HS3ST5: variants seen among roughly 807,000 people sequenced by gnomAD.
HS3ST5 encodes the protein heparan sulfate-glucosamine 3-sulfotransferase 5, also known as heparan sulfate glucosamine 3-O-sulfotransferase 5.
A neutral mutation model predicts 25.4 loss-of-function variants in HS3ST5; 10 were observed. That is an observed-to-expected ratio of 0.39 (90% CI 0.24 to 0.67). The LOEUF (loss-of-function observed/expected upper bound fraction) is 0.67, where lower values mean the gene tolerates loss of function less well. Ranked by LOEUF, HS3ST5 falls within the 30% of genes least tolerant of loss-of-function variation. The probability of loss-of-function intolerance (pLI) is 0.44; values close to 1 mark genes in which losing one functional copy is unlikely to be tolerated. For synonymous variants in HS3ST5, 170 were observed against 162.4 expected (o/e 1.05, Z -0.36); for missense variants, 324 against 420.7 (o/e 0.77, Z 2.01).
chr6:114,095,638 G>A (rs1266960050), intron 3 of HS3ST5, among the ~76,000 whole-genome samples: 1 of 152,102 alleles, frequency 6.6e-6, no homozygotes, highest in African/African-American at 2.4e-5. Flanking sequence ...TACTGTAGAG[G>A]CACTTTTGAC....
chr6:114,266,264 G>A (rs746951920), intron 1 of HS3ST5, among the ~76,000 whole-genome samples: 35 of 152,118 alleles, frequency 2.3e-4, no homozygotes, highest in Non-Finnish European at 3.4e-4. Context: ...TATATATCAC[G>A]TATTTGTATC....
At chr6:114,084,085 CT>C (rs367546368) in intron 3 of HS3ST5, 73,742 of 449,578 alleles carry the variant, frequency 0.16, 144 homozygotes, top group East Asian at 0.18. Flanking sequence ...ATTTTCTTTT[CT>C]TTTTTTTTTT....
At chr6:114,159,320 C>T (rs1322812757) in intron 3 of HS3ST5, among the ~76,000 whole-genome samples, 2 of 152,050 alleles carry the variant, frequency 1.3e-5, no homozygotes, top group Non-Finnish European at 2.9e-5. Flanking sequence ...TTTTCAATAA[C>T]CCCAAACTAG....
intron 1 of HS3ST5, among the ~76,000 whole-genome samples, chr6:114,251,293 G>A (rs575191813): frequency 1.3e-5 from 2 of 152,070 alleles, no homozygotes; most frequent in Admixed American, 6.6e-5. Context: ...GATGAAAGAG[G>A]GCTAGCTCTG....
intron 1 of HS3ST5, among the ~76,000 whole-genome samples, chr6:114,245,822 A>C (rs1334503306): frequency 6.6e-6 from 1 of 152,254 alleles, no homozygotes; most frequent in Non-Finnish European, 1.5e-5. Context: ...GGCGTTATGC[A>C]TACAGGTGGG....
intron 3 of HS3ST5, among the ~76,000 whole-genome samples, chr6:114,120,217 C>T (rs955454143): frequency 1.3e-5 from 2 of 152,044 alleles, no homozygotes; most frequent in South Asian, 4.1e-4. Context: ...GACAAGCCCC[C>T]AGTAGCATTT....
At chr6:114,234,804 T>C (rs1352911000) in intron 1 of HS3ST5, among the ~76,000 whole-genome samples, 1 of 152,158 alleles carries the variant, frequency 6.6e-6, no homozygotes, top group Non-Finnish European at 1.5e-5. Context: ...TGCATGAAAA[T>C]TGATATATGT....
intron 2 of HS3ST5, among the ~76,000 whole-genome samples, chr6:114,202,830 T>C (rs1197328319): frequency 6.6e-6 from 1 of 152,208 alleles, no homozygotes; most frequent in Non-Finnish European, 1.5e-5. Flanking sequence ...GAGAGTAATA[T>C]ACTCACTAAA....
intron 1 of HS3ST5, among the ~76,000 whole-genome samples, chr6:114,246,707 T>C (rs1772396123): frequency 6.6e-6 from 1 of 152,242 alleles, no homozygotes; most frequent in Non-Finnish European, 1.5e-5. Flanking sequence ...AAGTTTTATA[T>C]TGGCGCGTTT....
rs149207864 is a variant in HS3ST5 at position 114,188,085 on chromosome 6, A to T, written c.-144-19623T>A. ...CAAAAAAATTCATGTGACTCACTTTATCATGGTGGTCTGCAACAGAACCTG... is the reference window on the plus strand; with the variant it reads ...CAAAAAAATTCATGTGACTCACTTTTTCATGGTGGTCTGCAACAGAACCTG... On this transcript the variant is annotated intron_variant, in intron 2 of 4. Coordinates refer to ENST00000312719, the MANE Select transcript of HS3ST5 (RefSeq NM_153612.4). Among the ~76,000 whole-genome samples, 234 of 152,344 alleles carry T rather than the reference A, an allele frequency of 1.5e-3. 1 individual carries two copies. Among genetic ancestry groups the T allele is most frequent in the East Asian group, 0.014 (74 of 5,186 alleles).
intron 1 of HS3ST5, among the ~76,000 whole-genome samples, chr6:114,271,738 A>C (rs958330147): frequency 6.6e-6 from 1 of 152,088 alleles, no homozygotes; most frequent in Non-Finnish European, 1.5e-5. Context: ...CTTAAGCTAT[A>C]TATTTAAGAT....
At chr6:114,221,795 T>C (rs1002721265) in intron 2 of HS3ST5, among the ~76,000 whole-genome samples, 5 of 151,898 alleles carry the variant, frequency 3.3e-5, no homozygotes, top group African/African-American at 9.7e-5. Flanking sequence ...CTTTTTAAAC[T>C]AATTAGGCTT....
chr6:114,249,276 A>G (rs751338472), intron 1 of HS3ST5, among the ~76,000 whole-genome samples: 11 of 152,190 alleles, frequency 7.2e-5, no homozygotes, highest in Non-Finnish European at 1.6e-4. Context: ...AGGCCCTTAC[A>G]TGTTTTTCTT....
chr6:114,259,002 A>C lies in HS3ST5; in HGVS notation c.-338-30224T>G, dbSNP rs929083598. 6.6e-4 allele frequency among the ~76,000 whole-genome samples: 101 copies of C among 152,176 alleles called. 1 individual carries two copies. The highest frequency in any genetic ancestry group is 9.2e-4 in the Admixed American group (14 of 15,280). On this transcript the variant is annotated intron_variant, in intron 1 of 4. Coordinates refer to ENST00000312719, the MANE Select transcript of HS3ST5 (RefSeq NM_153612.4). ...TCAGATTCTCATTTTGAGACACTAAAAAGTTTTTTCTCCTTGTATAAGACA... is the reference window on the plus strand; with the variant it reads ...TCAGATTCTCATTTTGAGACACTAACAAGTTTTTTCTCCTTGTATAAGACA...
intron 3 of HS3ST5, among the ~76,000 whole-genome samples, chr6:114,143,209 A>G (rs1777993754): frequency 6.6e-6 from 1 of 152,224 alleles, no homozygotes; most frequent in African/African-American, 2.4e-5. Flanking sequence ...TGGAAGATGT[A>G]ATATTGGAAG....
chr6:114,195,743 G>C, intron 2 of HS3ST5, among the ~76,000 whole-genome samples: 1 of 151,970 alleles, frequency 6.6e-6, no homozygotes, highest in Non-Finnish European at 1.5e-5. Context: ...TTGGAGAGAG[G>C]AGAAAGAGGG....
At chr6:114,179,196 C>T (rs1001418663) in intron 2 of HS3ST5, 1 of 152,184 alleles carries the variant, frequency 6.6e-6, no homozygotes, top group Non-Finnish European at 1.5e-5. Flanking sequence ...GTTTTGCTCA[C>T]TGCTGTATCT....
chr6:114,218,603 T>C (rs940929234), intron 2 of HS3ST5, among the ~76,000 whole-genome samples: 6 of 152,186 alleles, frequency 3.9e-5, no homozygotes, highest in African/African-American at 1.4e-4. Context: ...TGTGGTTTTA[T>C]GATGAGCTGG....
At chr6:114,332,739 G>A (rs1435938279) in intron 1 of HS3ST5, among the ~76,000 whole-genome samples, 2 of 152,084 alleles carry the variant, frequency 1.3e-5, no homozygotes, top group Non-Finnish European at 2.9e-5. Context: ...GCCCATCCTG[G>A]CTTGGGTGGA....
Sources: gnomAD v4.1 joint callset for allele counts (sites outside exome capture counted in the v4.1 genomes callset) on GRCh38, gnomAD v4.1.1 for gene constraint, MANE v1.5 for transcripts, NCBI Gene and HGNC (gene_info 2026-07-23, HGNC 2026-07-21) for gene names.